Variants in FAM114A2 observed in about 807,000 individuals in gnomAD.
FAM114A2 encodes the protein protein FAM114A2.
A neutral mutation model predicts 58.4 loss-of-function variants in FAM114A2; 53 were observed. That is an observed-to-expected ratio of 0.91 (90% CI 0.73 to 1.14). The LOEUF (loss-of-function observed/expected upper bound fraction) is 1.14. FAM114A2 is among the 50% of genes most tolerant of loss of function. The pLI is 0.00. For synonymous variants in FAM114A2, 228 were observed against 211.4 expected (o/e 1.08, Z -0.68); for missense variants, 601 against 581.1 (o/e 1.03, Z -0.35).
At chr5:154,028,066 C>G in intron 6 of FAM114A2, 83 bp downstream of exon 6, 2 of 1,221,712 alleles carry the variant, frequency 1.6e-6, no homozygotes, top group Non-Finnish European at 2.3e-6. Flanking sequence ...GAAAAGAAAA[C>G]ACTAACAAGG....
intron 9 of FAM114A2, among the ~76,000 whole-genome samples, chr5:154,010,700 A>G (rs1018166138): frequency 1.3e-5 from 2 of 152,174 alleles, no homozygotes; most frequent in Non-Finnish European, 2.9e-5. Flanking sequence ...CTGAGCTTTG[A>G]TTAAAGTCTC....
At chr5:153,998,887 A>G (rs1275123962) in intron 11 of FAM114A2, among the ~76,000 whole-genome samples, 4 of 152,254 alleles carry the variant, frequency 2.6e-5, no homozygotes, top group African/African-American at 7.2e-5. Flanking sequence ...GAGAAGCTAT[A>G]AAGTGCTTCC....
At chr5:154,022,574 A>T (rs917738340) in intron 8 of FAM114A2, among the ~76,000 whole-genome samples, 19 of 152,250 alleles carry the variant, frequency 1.2e-4, no homozygotes, top group African/African-American at 4.6e-4. Flanking sequence ...TGCAAATCAA[A>T]ACCACAATGA....
In FAM114A2 at chr5:154,034,783, A is replaced by G. The variant is rs754744938; in HGVS notation, c.171T>C (p.Pro57=). Residue 57 remains proline (P), a synonymous_variant, in exon 2 of 14, where the codon CCT becomes CCC. Coordinates refer to ENST00000351797, the MANE Select transcript of FAM114A2 (RefSeq NM_018691.4). ...VSTRKRPETK[P]SSDLETSKVL... is the part of the protein sequence containing the mutation. The stretch of plus-strand genomic sequence containing the variant: ...CTTTTGAAGTCTCAAGGTCACTGGA[A>G]GGTTTGGTCTCTGGTCTTTTCCGAG... The G allele has an allele frequency of 1.1e-5, 18 of 1,613,862 alleles. No individual in the cohort carries two copies. The South Asian group carries it at 1.9e-4, about 17-fold the overall frequency.
At chr5:153,996,991 T>TAAAAAA (rs57110256) in intron 12 of FAM114A2, among the ~76,000 whole-genome samples, 1 of 121,288 alleles carries the variant, frequency 8.2e-6, no homozygotes, top group Non-Finnish European at 1.7e-5. Context: ...GAGCAAAACT[T>TAAAAAA]AAAAAAAAAA....
At chr5:154,004,632 T>C (rs1048725247) in intron 9 of FAM114A2, among the ~76,000 whole-genome samples, 1 of 152,182 alleles carries the variant, frequency 6.6e-6, no homozygotes, top group African/African-American at 2.4e-5. Flanking sequence ...ACCAGTTACC[T>C]GAGCCAAAAT....
Position 153,992,028 on chromosome 5 carries a change from A to T in FAM114A2, c.*948T>A, listed in dbSNP as rs1410382363. On this transcript the variant is annotated 3_prime_UTR_variant, in exon 14 of 14. Transcript: ENST00000351797. ...AACAAACAAAAAGGAAAGAGGAAAA[A>T]ATAAACTATGCCTTAGAAGTTAAAT... The T allele has an allele frequency of 1.3e-5, 2 of 152,180 alleles. No individual in the cohort carries two copies. Among genetic ancestry groups the T allele is most frequent in the East Asian group, 1.9e-4 (1 of 5,202 alleles). 9.4% of individuals were successfully genotyped at this position (152,180 alleles called of 1,614,324 possible). A position where few individuals can be genotyped will look rare whatever the true frequency, so the allele number is the denominator to read the frequency against.
chr5:154,033,984 A>C (rs1457595125), intron 3 of FAM114A2, 101 bp from the exon 4 acceptor site: 1 of 759,008 alleles, frequency 1.3e-6, no homozygotes, highest in Non-Finnish European at 2.2e-6. Flanking sequence ...ACCACAAGAC[A>C]TGTTATTTTG....
In FAM114A2 at chr5:153,990,164, G is replaced by T. The variant is rs867045377; in HGVS notation, c.*2812C>A. 7.2e-5 allele frequency: 11 copies of T among 151,846 alleles called. No individual in the cohort carries two copies. Among genetic ancestry groups the T allele is most frequent in the African/African-American group, 2.4e-4 (10 of 41,296 alleles). 9.4% of individuals were successfully genotyped at this position (151,846 alleles called of 1,614,324 possible). On this transcript the variant is annotated 3_prime_UTR_variant, in exon 14 of 14. Transcript: ENST00000351797. ...TCACACTTGTTGAGTGCCCACTGTGGGTATAATTTTATTCTGGGTTTTCTA... is the reference window on the plus strand; with the variant it reads ...TCACACTTGTTGAGTGCCCACTGTGTGTATAATTTTATTCTGGGTTTTCTA...
chr5:154,035,710 G>C (rs567277769), intron 1 of FAM114A2, among the ~76,000 whole-genome samples: 4 of 152,330 alleles, frequency 2.6e-5, no homozygotes, highest in African/African-American at 9.6e-5. Context: ...GACCAAGAGT[G>C]CAACTGCTGG....
intron 8 of FAM114A2, among the ~76,000 whole-genome samples, chr5:154,017,491 A>G (rs1020013573): frequency 2.9e-4 from 28 of 97,024 alleles, no homozygotes; most frequent in African/African-American, 7.8e-4. Flanking sequence ...GCAACACAAT[A>G]ATAGTGGGGG....
At chr5:153,997,263 C>T (rs1769631290) in intron 12 of FAM114A2, among the ~76,000 whole-genome samples, 1 of 152,034 alleles carries the variant, frequency 6.6e-6, no homozygotes, top group South Asian at 2.1e-4. Flanking sequence ...GCTATCTACC[C>T]AAGAGAAATG....
At chr5:153,995,530 A>G (rs1428173911) in intron 12 of FAM114A2, among the ~76,000 whole-genome samples, 2 of 152,210 alleles carry the variant, frequency 1.3e-5, no homozygotes, top group African/African-American at 4.8e-5. Flanking sequence ...CTTTACAGGA[A>G]TAATCTAAAC....
chr5:154,010,395 A>G (rs529529719), intron 9 of FAM114A2, among the ~76,000 whole-genome samples: 4 of 152,202 alleles, frequency 2.6e-5, no homozygotes, highest in Non-Finnish European at 5.9e-5. Flanking sequence ...GGATGATCTA[A>G]AAGAGCTTTT....
intron 9 of FAM114A2, 96 bp downstream of exon 9, chr5:154,011,145 G>A (rs1770668728): frequency 2.2e-6 from 2 of 905,960 alleles, no homozygotes; most frequent in Admixed American, 2.2e-5. Flanking sequence ...CTTCGATTTT[G>A]GTGACACCTC....
In FAM114A2 at chr5:153,991,560, A is replaced by G. The variant is rs1769247160; in HGVS notation, c.*1416T>C. On this transcript the variant is annotated 3_prime_UTR_variant, in exon 14 of 14. Coordinates refer to ENST00000351797, the MANE Select transcript of FAM114A2 (RefSeq NM_018691.4). ...TAAGACAGAATATAGGCAGAGTAACATTGTAGTGCTGTTGGTATACCTTTT... is the reference window on the plus strand; with the variant it reads ...TAAGACAGAATATAGGCAGAGTAACGTTGTAGTGCTGTTGGTATACCTTTT... 6.6e-6 allele frequency: 1 copy of G among 152,198 alleles called. No individual in the cohort carries two copies. Among genetic ancestry groups the G allele is most frequent in the African/African-American group, 2.4e-5 (1 of 41,466 alleles). 9.4% of individuals were successfully genotyped at this position (152,198 alleles called of 1,614,324 possible).
rs556348733 is a variant in FAM114A2, at chr5:153,990,247, A to G, written c.*2729T>C. 4.6e-5 allele frequency: 7 copies of G among 152,332 alleles called. No homozygotes were observed. In the South Asian group the frequency reaches 1.0e-3, roughly 23 times the overall value. 9.4% of individuals were successfully genotyped at this position (152,332 alleles called of 1,614,324 possible). On this transcript the variant is annotated 3_prime_UTR_variant, in exon 14 of 14. Transcript: ENST00000351797. ...CCTCTAGAAATACAGAAAAATGTCT[A>G]TTTCTCAAATGGAGATATCAATAGC...
chr5:154,002,210 C>T (rs781655777), intron 11 of FAM114A2, 41 bp downstream of exon 11: 1 of 1,592,314 alleles, frequency 6.3e-7, no homozygotes, highest in African/African-American at 1.3e-5. Flanking sequence ...AAGAAAACTC[C>T]TGCAATTTGC....
At position 153,991,047 on chromosome 5, in the gene FAM114A2, T is replaced by C. The variant is rs1207018632; in HGVS notation, c.*1929A>G. 6.6e-6 allele frequency: 1 copy of C among 151,768 alleles called. No homozygotes were observed. The highest frequency in any genetic ancestry group is 6.6e-5 in the Admixed American group (1 of 15,224). The allele number at this position is 151,768 out of a possible 1,614,324, so 9.4% of individuals were successfully genotyped here. ...TTGTTACTCAGAATTGGGCCTTTCA[T>C]CATTTCACTAGTGGTCCCTAACTCC... On this transcript the variant is annotated 3_prime_UTR_variant, in exon 14 of 14. Transcript: ENST00000351797.
Sources: allele counts gnomAD v4.1 joint callset (sites outside exome capture counted in the v4.1 genomes callset), GRCh38; gene constraint gnomAD v4.1.1; transcripts MANE v1.5; gene names NCBI Gene and HGNC (gene_info 2026-07-23, HGNC 2026-07-21).